SINHCAF: variants seen among roughly 807,000 people sequenced by gnomAD.
SINHCAF encodes SIN3-HDAC complex associated factor, also known as SIN3-HDAC complex-associated factor.
In SINHCAF, 3 loss-of-function variants were observed where a neutral mutation model predicts 25.8. The ratio of observed to expected loss-of-function variants is 0.12; its 90% CI spans 0.05 to 0.30. The LOEUF (loss-of-function observed/expected upper bound fraction) is 0.30, where lower values mean the gene tolerates loss of function less well. Among genes scored for constraint, SINHCAF ranks in the 10% least tolerant of loss-of-function variants. The pLI is 1.00. For missense variants in SINHCAF, 121 were observed against 262.3 expected (o/e 0.46, Z 3.72); for synonymous variants, 70 against 85.5 (o/e 0.82, Z 1.00).
rs1379795486 is a variant in SINHCAF, at chr12:31,281,290, G to A, written c.*1422C>T. ...TTAGGATTGAAGAGCTCTAAGTTCA[G>A]GATATCTCAATGTTCAGAAAGCCTG... On this transcript the variant is annotated 3_prime_UTR_variant, in exon 6 of 6. Transcript: ENST00000337682. 6.6e-6 allele frequency: 1 copy of A among 152,148 alleles called. No homozygotes were observed. The highest frequency in any genetic ancestry group is 1.5e-5 in the Non-Finnish European group (1 of 68,026). The allele number at this position is 152,148 out of a possible 1,614,324, so 9.4% of individuals were successfully genotyped here.
chr12:31,292,369 C>A, intron 4 of SINHCAF, among the ~76,000 whole-genome samples: 1 of 151,804 alleles, frequency 6.6e-6, no homozygotes, highest in East Asian at 1.9e-4. Context: ...CATGGTGGTG[C>A]ATGTCTGTAG....
chr12:31,294,655 C>G (rs925194911), intron 3 of SINHCAF, among the ~76,000 whole-genome samples: 17 of 152,284 alleles, frequency 1.1e-4, no homozygotes, highest in Admixed American at 9.8e-4. Flanking sequence ...TCTTCAAAAT[C>G]ATGACCTATT....
intron 1 of SINHCAF, among the ~76,000 whole-genome samples, chr12:31,307,207 G>A (rs1171964499): frequency 1.3e-5 from 2 of 152,152 alleles, no homozygotes; most frequent in African/African-American, 4.8e-5. Flanking sequence ...GTATATCCCT[G>A]TAACATCACA....
intron 5 of SINHCAF, among the ~76,000 whole-genome samples, chr12:31,284,962 G>A (rs2137067960): frequency 6.6e-6 from 1 of 152,218 alleles, no homozygotes; most frequent in South Asian, 2.1e-4. Flanking sequence ...AAATTAGCTT[G>A]TAAAGTTCCA....
chr12:31,325,131 A>G lies in SINHCAF; in HGVS notation c.-21+893T>C. Reference sequence around the variant, plus strand: ...ACGCCGCCGCCTCCATCTCCAGCCAAGTTGGCTTCCCTGGCCATCTTACAG... The same window carrying G: ...ACGCCGCCGCCTCCATCTCCAGCCAGGTTGGCTTCCCTGGCCATCTTACAG... On this transcript the variant is annotated intron_variant, in intron 1 of 5. Coordinates refer to ENST00000337682, the MANE Select transcript of SINHCAF (RefSeq NM_001135812.2). This position sits in a 1 kb window ranked among gnomAD's most constrained non-coding sequence, Gnocchi z 5.9. The G allele has an allele frequency of 2.2e-6, 1 of 456,744 alleles. No homozygotes were observed. The highest frequency in any genetic ancestry group is 1.5e-5 in the South Asian group (1 of 64,570). The allele number at this position is 456,744 out of a possible 1,614,324, so 28.3% of individuals were successfully genotyped here.
chr12:31,292,472 C>T (rs978086688), intron 4 of SINHCAF, among the ~76,000 whole-genome samples: 1 of 151,324 alleles, frequency 6.6e-6, no homozygotes, highest in Admixed American at 6.6e-5. Flanking sequence ...GTACTCCAGC[C>T]TGGGTGACAG....
intron 5 of SINHCAF, among the ~76,000 whole-genome samples, chr12:31,286,715 C>T (rs916612835): frequency 2.0e-5 from 3 of 150,660 alleles, no homozygotes; most frequent in Non-Finnish European, 4.4e-5. Flanking sequence ...ATTAGTTGAT[C>T]GTCTCATGTT....
chr12:31,293,769 AATT>A, intron 4 of SINHCAF, 33 bp downstream of exon 4: 1 of 1,548,200 alleles, frequency 6.5e-7, no homozygotes, highest in South Asian at 1.2e-5. Flanking sequence ...ATAACAAAAC[AATT>A]ATTAAGTACT....
chr12:31,315,394 C>T (rs1327891965), intron 1 of SINHCAF, among the ~76,000 whole-genome samples: 2 of 152,204 alleles, frequency 1.3e-5, no homozygotes, highest in East Asian at 3.8e-4. Flanking sequence ...ACTCCAGTTA[C>T]AAACCCAAGG....
rs765447136 is a variant in SINHCAF at position 31,282,786 on chromosome 12, T to C, written c.592A>G (p.Asn198Asp). Residue 198 changes from asparagine to aspartate, a missense_variant, in exon 6 of 6, where the codon AAT becomes GAT. By Grantham distance (23) the Asn-to-Asp change is conservative (BLOSUM62 1). Transcript: ENST00000337682. ...DTHLFKPCCS[N>D]KKAAAEKPEE... ...GGCTTCTCAGCAGCTGCTTTCTTAT[T>C]GCTGCAGCAAGGCTTGAAGAGATGT... 1 of 1,613,426 alleles carries C rather than the reference T, an allele frequency of 6.2e-7. No homozygotes were observed. The highest frequency in any genetic ancestry group is 8.5e-7 in the Non-Finnish European group (1 of 1,179,592).
At chr12:31,285,109 C>T (rs1006511521) in intron 5 of SINHCAF, among the ~76,000 whole-genome samples, 18 of 152,202 alleles carry the variant, frequency 1.2e-4, no homozygotes, top group Admixed American at 2.6e-4. Flanking sequence ...ATTCAACGGC[C>T]GGGCGCAGTG....
At chr12:31,303,113 T>C (rs1938874497) in intron 1 of SINHCAF, 2 of 985,290 alleles carry the variant, frequency 2.0e-6, no homozygotes, top group African/African-American at 1.7e-5. Flanking sequence ...AAAACATGCC[T>C]ATTTATGGGA....
intron 5 of SINHCAF, among the ~76,000 whole-genome samples, chr12:31,284,394 A>T (rs1937945789): frequency 1.3e-5 from 2 of 151,954 alleles, no homozygotes; most frequent in African/African-American, 4.8e-5. Flanking sequence ...CCATTGTAGG[A>T]GTTGTCTGTA....
At chr12:31,307,446 T>C (rs1218809740) in intron 1 of SINHCAF, among the ~76,000 whole-genome samples, 2 of 151,950 alleles carry the variant, frequency 1.3e-5, no homozygotes, top group African/African-American at 2.4e-5. Flanking sequence ...TCCCAGCTAC[T>C]CGGGAGGCTG....
intron 1 of SINHCAF, chr12:31,304,194 G>C (rs1168692383): frequency 1.5e-4 from 22 of 151,006 alleles, no homozygotes; most frequent in Admixed American, 1.4e-3. Context: ...GCCCATCCTT[G>C]AGTTGGTGGG....
chr12:31,321,133 A>C (rs1312123539), intron 1 of SINHCAF, among the ~76,000 whole-genome samples: 1 of 152,230 alleles, frequency 6.6e-6, no homozygotes, highest in Non-Finnish European at 1.5e-5. Context: ...TCCATAATAC[A>C]GAAAAATCCT....
intron 1 of SINHCAF, among the ~76,000 whole-genome samples, chr12:31,298,876 T>G (rs1938657476): frequency 6.6e-6 from 1 of 152,134 alleles, no homozygotes; most frequent in South Asian, 2.1e-4. Context: ...CTTATTATCA[T>G]TAAGACAAAA....
chr12:31,299,658 G>A (rs1035417615), intron 1 of SINHCAF, among the ~76,000 whole-genome samples: 1 of 152,152 alleles, frequency 6.6e-6, no homozygotes, highest in African/African-American at 2.4e-5. Context: ...AGTTTTAGGA[G>A]TTATTACCAC....
chr12:31,312,568 C>CA (rs766872037), intron 1 of SINHCAF, among the ~76,000 whole-genome samples: 15 of 152,184 alleles, frequency 9.9e-5, no homozygotes, highest in African/African-American at 1.9e-4. Context: ...AGTGGTATCT[C>CA]AGTGTGGTTT....
Sources: allele counts gnomAD v4.1 joint callset (sites outside exome capture counted in the v4.1 genomes callset), GRCh38; gene constraint gnomAD v4.1.1; non-coding constraint Gnocchi (gnomAD v3.1); transcripts MANE v1.5; gene names NCBI Gene and HGNC (gene_info 2026-07-23, HGNC 2026-07-21).